The following DNAJC11 variants were observed in gnomAD, a reference collection of about 807,000 sequenced individuals.
DNAJC11 encodes the protein DnaJ heat shock protein family (Hsp40) member C11.
A neutral mutation model predicts 78.6 loss-of-function variants in DNAJC11; 15 were observed. The observed-to-expected ratio is 0.19, with a 90% CI of 0.13 to 0.29. The LOEUF is 0.29. Ranked by LOEUF, DNAJC11 falls within the 10% of genes least tolerant of loss-of-function variation. The probability of loss-of-function intolerance (pLI) is 1.00; values close to 1 mark genes in which losing one functional copy is unlikely to be tolerated. For missense variants in DNAJC11, 547 were observed against 709.6 expected, an observed-to-expected ratio of 0.77 and a Z score of 2.60; for synonymous variants, 292 against 272.1, an observed-to-expected ratio of 1.07 and a Z score of -0.72.
In DNAJC11 at chr1:6,645,175, G is replaced by T; in HGVS notation, c.895-49C>A. The T allele has an allele frequency of 6.9e-7, 1 of 1,455,272 alleles. No homozygotes were observed. Among genetic ancestry groups the T allele is most frequent in the Non-Finnish European group, 9.6e-7 (1 of 1,038,618 alleles). The allele number at this position is 1,455,272 out of a possible 1,614,324, so 90.1% of individuals were successfully genotyped here. The stretch of plus-strand genomic sequence containing the variant: ...ATGCGTGGCTAGGGCGTGTGACTCT[G>T]TGGGGAGATGGGTATCTGCCCTCCC... On this transcript the variant is annotated intron_variant, in intron 8 of 15. Coordinates refer to ENST00000377577, the MANE Select transcript of DNAJC11 (RefSeq NM_018198.4). The surrounding 1 kb of genome is among the most constrained non-coding windows in gnomAD (Gnocchi z 4.1).
Position 6,634,594 on chromosome 1 carries a change from G to A in DNAJC11, c.*1081C>T, listed in dbSNP as rs1263628973. On this transcript the variant is annotated 3_prime_UTR_variant, in exon 16 of 16. Transcript: ENST00000377577. ...AGCAACTGATGGCTGCCACTTCCAG[G>A]CCCCGAGAGACAGGCCTCACGTAAC... is the stretch of plus-strand genomic sequence containing the variant. 1.5e-6 allele frequency: 2 copies of A among 1,366,050 alleles called. No individual in the cohort carries two copies. Among genetic ancestry groups the A allele is most frequent in the African/African-American group, 3.0e-5 (2 of 67,750 alleles). 84.6% of individuals were successfully genotyped at this position (1,366,050 alleles called of 1,614,324 possible).
At position 6,634,872 on chromosome 1, in the gene DNAJC11, T is replaced by C. The variant is rs768465216; in HGVS notation, c.*803A>G. On this transcript the variant is annotated 3_prime_UTR_variant, in exon 16 of 16. Transcript: ENST00000377577. ...TGCCAAGCGCCTGGTCCTGTCCTCT[T>C]GAGCTGCCCTTGCCCAGCACTGCAC... The C allele has an allele frequency of 3.1e-4, 381 of 1,212,488 alleles. No homozygotes were observed. The highest frequency in any genetic ancestry group is 3.8e-4 in the Non-Finnish European group (357 of 944,916). The allele number at this position is 1,212,488 out of a possible 1,614,324, so 75.1% of individuals were successfully genotyped here.
rs1642933725 is a variant in DNAJC11 at position 6,701,771 on chromosome 1, C to T, written c.30G>A (p.Leu10=). ...GCAACGAGTAATAGTCTTCATTGTC[C>T]AGCTCCTCCTCGCTCAAGGCCGTCG... MATALSEEE[L]DNEDYYSLLN... The change falls in exon 1 of 16, where the codon CTG becomes CTA. Residue 10 remains leucine (L), a synonymous_variant. Transcript: ENST00000377577. 2.6e-6 allele frequency: 4 copies of T among 1,567,632 alleles called. No homozygotes were observed. Among genetic ancestry groups the T allele is most frequent in the African/African-American group, 2.8e-5 (2 of 70,898 alleles).
intron 11 of DNAJC11, 105 bp from the exon 12 acceptor site, chr1:6,638,469 T>G (rs1641821919): frequency 9.6e-7 from 1 of 1,037,200 alleles, no homozygotes; most frequent in African/African-American, 1.6e-5. Context: ...CAGTCTGTGA[T>G]CTTACTGGAG....
intron 1 of DNAJC11, among the ~76,000 whole-genome samples, chr1:6,682,346 T>C (rs1401413246): frequency 6.6e-6 from 1 of 152,130 alleles, no homozygotes; most frequent in African/African-American, 2.4e-5. Flanking sequence ...ATTCAGATGC[T>C]AGAAAGCCAG....
intron 6 of DNAJC11, 101 bp downstream of exon 6, chr1:6,652,728 C>T (rs1346616838): frequency 1.0e-5 from 16 of 1,524,784 alleles, no homozygotes; most frequent in African/African-American, 6.9e-5. Flanking sequence ...TACACAACAA[C>T]GGGGCCCCCA....
At chr1:6,636,021 A>G (rs1641760766) in intron 15 of DNAJC11, 96 bp downstream of exon 15, 9 of 1,481,050 alleles carry the variant, frequency 6.1e-6, no homozygotes, top group Non-Finnish European at 8.1e-6. Flanking sequence ...TGGGCAGCTG[A>G]GGAAGGTGGA....
intron 1 of DNAJC11, among the ~76,000 whole-genome samples, chr1:6,699,596 C>A (rs542215573): frequency 1.3e-5 from 2 of 152,240 alleles, no homozygotes; most frequent in Non-Finnish European, 2.9e-5. Flanking sequence ...AGCCAGACAT[C>A]TTCATTTAAA....
intron 3 of DNAJC11, among the ~76,000 whole-genome samples, chr1:6,670,270 A>T (rs923763870): frequency 2.0e-5 from 3 of 152,162 alleles, no homozygotes. Context: ...GATAGGAAAT[A>T]AAAAGTATGC....
chr1:6,635,038 C>A lies in DNAJC11; in HGVS notation c.*637G>T. On this transcript the variant is annotated 3_prime_UTR_variant, in exon 16 of 16. Transcript: ENST00000377577. ...GATCGGGAGTTACACTACCCTGTCCCAAGCCGAGGGGGCCGGTGGAATGAC... is the reference window on the plus strand; with the variant it reads ...GATCGGGAGTTACACTACCCTGTCCAAAGCCGAGGGGGCCGGTGGAATGAC... The A allele has an allele frequency of 1.0e-5, 3 of 300,252 alleles. No individual in the cohort carries two copies. The highest frequency in any genetic ancestry group is 1.7e-5 in the Non-Finnish European group (3 of 172,346). 18.6% of individuals were successfully genotyped at this position (300,252 alleles called of 1,614,324 possible). A position where few individuals can be genotyped will look rare whatever the true frequency, so the allele number is the denominator to read the frequency against.
intron 4 of DNAJC11, among the ~76,000 whole-genome samples, chr1:6,656,326 T>A (rs1252748305): frequency 6.6e-6 from 1 of 152,022 alleles, no homozygotes; most frequent in African/African-American, 2.4e-5. Context: ...AAATTTATAT[T>A]CTGTTCAAGA....
intron 1 of DNAJC11, among the ~76,000 whole-genome samples, chr1:6,690,749 C>T (rs1241592279): frequency 6.6e-6 from 1 of 151,904 alleles, no homozygotes; most frequent in Non-Finnish European, 1.5e-5. Context: ...AGAGTGAAAC[C>T]CCGTCTCTAC....
At chr1:6,664,163 C>G (rs981529482) in intron 4 of DNAJC11, among the ~76,000 whole-genome samples, 31 of 152,162 alleles carry the variant, frequency 2.0e-4, no homozygotes, top group African/African-American at 7.5e-4. Context: ...GTCCATATCA[C>G]AGTCAGCCAT....
rs1642538679 is a variant in DNAJC11 at position 6,680,746 on chromosome 1, A to G, written c.202+162T>C. 6.6e-6 allele frequency among the ~76,000 whole-genome samples: 1 copy of G among 152,208 alleles called. No homozygotes were observed. Among genetic ancestry groups the G allele is most frequent in the South Asian group, 2.1e-4 (1 of 4,826 alleles). On this transcript the variant is annotated intron_variant, in intron 2 of 15. Transcript: ENST00000377577. The surrounding 1 kb of genome is among the most constrained non-coding windows in gnomAD (Gnocchi z 4.0). ...GACACGTATTGATTTCCAAAGCAAA[A>G]TACTATTCTTTCAAAGGACCCTGTC... is the stretch of plus-strand genomic sequence containing the variant.
In DNAJC11 at chr1:6,667,700, C is replaced by T; in HGVS notation, c.378+9G>A. The T allele has an allele frequency of 1.2e-6, 2 of 1,613,688 alleles. No individual in the cohort carries two copies. Among genetic ancestry groups the T allele is most frequent in the South Asian group, 1.1e-5 (1 of 91,048 alleles). On this transcript the variant is annotated intron_variant, in intron 4 of 15. Transcript: ENST00000377577. ...GAAGTGTCCTCATGAAACGTGGCCC[C>T]TGGCTTACCTTGGGATTGGTTCGCT...
At chr1:6,693,218 G>C (rs1306983810) in intron 1 of DNAJC11, among the ~76,000 whole-genome samples, 1 of 151,898 alleles carries the variant, frequency 6.6e-6, no homozygotes, top group African/African-American at 2.4e-5. Context: ...CCAACCTCAG[G>C]AATTTCATAA....
intron 15 of DNAJC11, 94 bp downstream of exon 15, chr1:6,636,023 G>A: frequency 6.7e-7 from 1 of 1,483,758 alleles, no homozygotes; most frequent in Non-Finnish European, 9.0e-7. Context: ...GGCAGCTGAG[G>A]AAGGTGGAAG....
At chr1:6,647,970 G>A (rs1641991253) in intron 7 of DNAJC11, among the ~76,000 whole-genome samples, 1 of 152,146 alleles carries the variant, frequency 6.6e-6, no homozygotes, top group Non-Finnish European at 1.5e-5. Flanking sequence ...TGTAAATGCT[G>A]ATGATCAGTC....
Position 6,637,255 on chromosome 1 carries a change from A to C in DNAJC11, c.1467T>G (p.Thr489=). Residue 489 remains threonine, a synonymous_variant, in exon 14 of 16, where the codon ACT becomes ACG. Transcript: ENST00000377577. ...CCTTCACCAGGCACTGCAGGGGCAC[A>C]GTCACGTCAATCACCTTCACCTTCT... The part of the protein sequence containing the change: ...KSEKVKVIDV[T]VPLQCLVKDS... 6.2e-7 allele frequency: 1 copy of C among 1,614,198 alleles called. No homozygotes were observed. Among genetic ancestry groups the C allele is most frequent in the Non-Finnish European group, 8.5e-7 (1 of 1,180,040 alleles).
Sources: gnomAD v4.1 joint callset for allele counts (sites outside exome capture counted in the v4.1 genomes callset) on GRCh38, gnomAD v4.1.1 for gene constraint, Gnocchi (gnomAD v3.1) non-coding constraint, MANE v1.5 for transcripts, NCBI Gene and HGNC (gene_info 2026-07-23, HGNC 2026-07-21) for gene names.